PDCL2: variants seen among roughly 807,000 people sequenced by gnomAD.
PDCL2 encodes phosducin like 2.
A neutral mutation model predicts 30.3 loss-of-function variants in PDCL2; 23 were observed. The observed-to-expected ratio is 0.76, with a 90% CI of 0.55 to 1.08. The LOEUF (loss-of-function observed/expected upper bound fraction) is 1.08, where lower values mean the gene tolerates loss of function less well. Among genes scored for constraint, PDCL2 ranks in the 50% least tolerant of loss-of-function variants. PDCL2 has a pLI of 0.00. For missense variants in PDCL2, 243 were observed against 282.3 expected (o/e 0.86, Z 1.00); for synonymous variants, 68 against 86.2 (o/e 0.79, Z 1.17).
At chr4:55,588,183 A>G (rs1337572599) in intron 1 of PDCL2, among the ~76,000 whole-genome samples, 1 of 152,200 alleles carries the variant, frequency 6.6e-6, no homozygotes, top group African/African-American at 2.4e-5. Context: ...TTACTCCTAA[A>G]TAAAATAGCT....
chr4:55,564,662 T>C (rs1200689111), intron 4 of PDCL2, among the ~76,000 whole-genome samples: 1 of 152,158 alleles, frequency 6.6e-6, no homozygotes, highest in African/African-American at 2.4e-5. Flanking sequence ...TTGAGTTAGA[T>C]CCCTCTAAGG....
At chr4:55,572,503 T>A (rs1331613354) in intron 3 of PDCL2, among the ~76,000 whole-genome samples, 2 of 152,178 alleles carry the variant, frequency 1.3e-5, no homozygotes, top group African/African-American at 2.4e-5. Flanking sequence ...CCTATCTCCT[T>A]AGTAACAATC....
At chr4:55,589,489 G>A (rs149979290) in intron 1 of PDCL2, among the ~76,000 whole-genome samples, 28 of 152,264 alleles carry the variant, frequency 1.8e-4, no homozygotes, top group Non-Finnish European at 3.5e-4. Context: ...GTCTTAGGCC[G>A]AAATGTTTTT....
At chr4:55,557,655 A>G (rs763106594) in intron 5 of PDCL2, among the ~76,000 whole-genome samples, 2 of 152,032 alleles carry the variant, frequency 1.3e-5, no homozygotes, top group Admixed American at 6.6e-5. Flanking sequence ...GTCCTCTCAC[A>G]TGCAAAAGAC....
chr4:55,585,990 TTTTTTCTATTG>T (rs1341256026), intron 1 of PDCL2, among the ~76,000 whole-genome samples: 1 of 152,142 alleles, frequency 6.6e-6, no homozygotes, highest in South Asian at 2.1e-4. Context: ...ATTTTCTTGA[TTTTTTCTATTG>T]TTTTTCTAGT....
chr4:55,590,977 A>G (rs1207041002), intron 1 of PDCL2, among the ~76,000 whole-genome samples: 1 of 152,234 alleles, frequency 6.6e-6, no homozygotes, highest in Non-Finnish European at 1.5e-5. Flanking sequence ...TCAGTAAACC[A>G]ACAAAGATTA....
intron 3 of PDCL2, among the ~76,000 whole-genome samples, chr4:55,576,310 C>T (rs1259121167): frequency 1.3e-5 from 2 of 152,118 alleles, no homozygotes; most frequent in Non-Finnish European, 2.9e-5. Context: ...CCAGGCTGGT[C>T]TCAAACTCCT....
intron 2 of PDCL2, 75 bp from the exon 3 acceptor site, chr4:55,580,986 A>C (rs200987200): frequency 4.4e-6 from 4 of 907,256 alleles, no homozygotes; most frequent in Non-Finnish European, 4.8e-6. Flanking sequence ...CTAGAAAAAA[A>C]CCGTCTTATA....
intron 3 of PDCL2, among the ~76,000 whole-genome samples, chr4:55,580,563 C>T (rs1337030392): frequency 1.3e-5 from 2 of 152,054 alleles, no homozygotes; most frequent in African/African-American, 4.8e-5. Flanking sequence ...TGCTATTTTC[C>T]ACTTTAATCG....
intron 3 of PDCL2, among the ~76,000 whole-genome samples, chr4:55,573,880 G>GTTTTTGTTTGT (rs150996335): frequency 3.5e-5 from 5 of 143,646 alleles, no homozygotes. Flanking sequence ...CTTATCACTA[G>GTTTTTGTTTGT]TTTTTGTTTG....
At chr4:55,565,973 G>GTTTTTTTTTTT (rs71194595) in intron 4 of PDCL2, among the ~76,000 whole-genome samples, 8 of 74,504 alleles carry the variant, frequency 1.1e-4, no homozygotes, top group Non-Finnish European at 1.2e-4. Context: ...CCATTTTTCT[G>GTTTTTTTTTTT]TTTTTTTTTT....
intron 3 of PDCL2, among the ~76,000 whole-genome samples, chr4:55,575,089 AGTCTCCCAAT>A (rs1184069430): frequency 6.6e-6 from 1 of 152,212 alleles, no homozygotes; most frequent in Non-Finnish European, 1.5e-5. Context: ...TGTTTGAAGT[AGTCTCCCAAT>A]GTGGGGTCTT....
At chr4:55,579,700 T>A (rs955743995) in intron 3 of PDCL2, among the ~76,000 whole-genome samples, 1 of 151,860 alleles carries the variant, frequency 6.6e-6, no homozygotes, top group Non-Finnish European at 1.5e-5. Context: ...TTTTGGTTTT[T>A]ATTTTTGTTT....
At chr4:55,559,701 C>A (rs1342865835) in intron 5 of PDCL2, among the ~76,000 whole-genome samples, 1 of 152,166 alleles carries the variant, frequency 6.6e-6, no homozygotes, top group Non-Finnish European at 1.5e-5. Context: ...ATTATTTGTA[C>A]ACACATGTTC....
At chr4:55,576,437 A>T (rs1477873481) in intron 3 of PDCL2, among the ~76,000 whole-genome samples, 1 of 152,204 alleles carries the variant, frequency 6.6e-6, no homozygotes, top group African/African-American at 2.4e-5. Context: ...ATGATATAAA[A>T]GGTAAATACA....
intron 5 of PDCL2, among the ~76,000 whole-genome samples, chr4:55,559,209 C>T (rs1354747448): frequency 6.6e-6 from 1 of 152,174 alleles, no homozygotes; most frequent in Admixed American, 6.5e-5. Context: ...AGCAATCTAT[C>T]AACTATCAAG....
At chr4:55,580,554 G>A (rs1433288572) in intron 3 of PDCL2, among the ~76,000 whole-genome samples, 4 of 152,038 alleles carry the variant, frequency 2.6e-5, no homozygotes, top group Non-Finnish European at 4.4e-5. Flanking sequence ...GCCTCTTATT[G>A]CTATTTTCCA....
intron 3 of PDCL2, among the ~76,000 whole-genome samples, chr4:55,576,717 G>A (rs1449499377): frequency 1.3e-5 from 2 of 152,114 alleles, no homozygotes; most frequent in Non-Finnish European, 2.9e-5. Flanking sequence ...AAGCAGTAAT[G>A]GAAGACTTAA....
intron 1 of PDCL2, among the ~76,000 whole-genome samples, chr4:55,588,264 C>CA (rs1395472104): frequency 3.9e-5 from 6 of 152,228 alleles, no homozygotes; most frequent in African/African-American, 1.4e-4. Context: ...AAAGGACAGA[C>CA]AGAACTGAAA....
Sources: gnomAD v4.1 joint callset for allele counts (sites outside exome capture counted in the v4.1 genomes callset) on GRCh38, gnomAD v4.1.1 for gene constraint, MANE v1.5 for transcripts, NCBI Gene and HGNC (gene_info 2026-07-23, HGNC 2026-07-21) for gene names.